LRP1B: variants seen among roughly 807,000 people sequenced by gnomAD.
The protein encoded by LRP1B is LDL receptor related protein 1B, also known as low-density lipoprotein receptor-related protein 1B.
Under a neutral mutation model 556.6 loss-of-function variants are expected in LRP1B, and 217 were observed. That is an observed-to-expected ratio of 0.39 (90% CI 0.35 to 0.44). The LOEUF is 0.44. Among genes scored for constraint, LRP1B ranks in the 20% least tolerant of loss-of-function variants. The probability of loss-of-function intolerance (pLI) is 1.00; values close to 1 mark genes in which losing one functional copy is unlikely to be tolerated. For missense variants in LRP1B, 5,053 were observed against 5,620.8 expected, an observed-to-expected ratio of 0.90 and a Z score of 3.23; for synonymous variants, 2,047 against 1,865.8, an observed-to-expected ratio of 1.10 and a Z score of -2.50.
chr2:142,071,616 T>A (rs1192506372), intron 1 of LRP1B, among the ~76,000 whole-genome samples: 1 of 152,066 alleles, frequency 6.6e-6, no homozygotes, highest in African/African-American at 2.4e-5. Context: ...TATCTGTGGC[T>A]GCTTTAGTGT....
intron 2 of LRP1B, among the ~76,000 whole-genome samples, chr2:141,491,033 G>A (rs561048402): frequency 2.6e-5 from 4 of 151,134 alleles, no homozygotes; most frequent in African/African-American, 9.7e-5. Context: ...CATTAAACAG[G>A]ATTCTTATGA....
At chr2:140,580,194 T>C (rs1284305618) in intron 43 of LRP1B, among the ~76,000 whole-genome samples, 1 of 152,202 alleles carries the variant, frequency 6.6e-6, no homozygotes, top group Non-Finnish European at 1.5e-5. Flanking sequence ...ATATAGAATA[T>C]GTAACTCAGC....
intron 41 of LRP1B, among the ~76,000 whole-genome samples, chr2:140,657,754 C>T (rs904379249): frequency 1.3e-5 from 2 of 151,264 alleles, no homozygotes; most frequent in Non-Finnish European, 2.9e-5. Flanking sequence ...TTAATGTACT[C>T]ATGATGTGTC....
chr2:140,714,543 A>G (rs1687144765), intron 37 of LRP1B, among the ~76,000 whole-genome samples: 1 of 152,186 alleles, frequency 6.6e-6, no homozygotes, highest in East Asian at 1.9e-4. Flanking sequence ...GTATGAATCT[A>G]TAATAGGGTA....
At chr2:142,049,135 C>CT (rs905792853) in intron 1 of LRP1B, among the ~76,000 whole-genome samples, 6 of 151,958 alleles carry the variant, frequency 3.9e-5, no homozygotes, top group African/African-American at 7.2e-5. Flanking sequence ...AAAAAGGCCC[C>CT]TTTTTTTCTA....
intron 7 of LRP1B, among the ~76,000 whole-genome samples, chr2:141,073,130 T>C (rs1699691052): frequency 6.6e-6 from 1 of 152,168 alleles, no homozygotes; most frequent in Admixed American, 6.6e-5. Context: ...TTCTCCATGC[T>C]GCATTTACAT....
At chr2:141,370,539 C>T (rs1465711667) in intron 3 of LRP1B, among the ~76,000 whole-genome samples, 1 of 152,112 alleles carries the variant, frequency 6.6e-6, no homozygotes, top group Admixed American at 6.5e-5. Context: ...TTCGTAAATC[C>T]TGGATATGAG....
intron 41 of LRP1B, among the ~76,000 whole-genome samples, chr2:140,691,872 G>T (rs2105400668): frequency 6.6e-6 from 1 of 152,170 alleles, no homozygotes; most frequent in South Asian, 2.1e-4. Flanking sequence ...ATAGTAGAGA[G>T]AATATGACTT....
chr2:140,673,481 TAC>T (rs1323196303), intron 41 of LRP1B, among the ~76,000 whole-genome samples: 1 of 152,180 alleles, frequency 6.6e-6, no homozygotes, highest in African/African-American at 2.4e-5. Context: ...TCTGAGTTAA[TAC>T]AGTTTTTTCC....
At chr2:141,204,936 CAGATAAAAAAAAA>C (rs1682206466) in intron 6 of LRP1B, among the ~76,000 whole-genome samples, 1 of 148,668 alleles carries the variant, frequency 6.7e-6, no homozygotes, top group Non-Finnish European at 1.5e-5. Context: ...GACTCTGTCT[CAGATAAAAAAAAA>C]GGAAAAAGAA....
chr2:141,110,736 T>A (rs1700730650), intron 7 of LRP1B, among the ~76,000 whole-genome samples: 1 of 152,108 alleles, frequency 6.6e-6, no homozygotes, highest in South Asian at 2.1e-4. Flanking sequence ...CACTTTTGAT[T>A]TCCTTTCTGG....
chr2:141,647,216 A>G (rs1238944824), intron 2 of LRP1B, among the ~76,000 whole-genome samples: 1 of 152,196 alleles, frequency 6.6e-6, no homozygotes, highest in Non-Finnish European at 1.5e-5. Context: ...CTTTGCAGCT[A>G]GATTGGAACC....
chr2:141,007,248 GA>G (rs1305974003), intron 14 of LRP1B, among the ~76,000 whole-genome samples: 1 of 151,566 alleles, frequency 6.6e-6, no homozygotes, highest in Non-Finnish European at 1.5e-5. Flanking sequence ...TAAGAAGTAA[GA>G]AAAAAACTCT....
rs529169289 is a variant in LRP1B, at chr2:141,001,589, G to C, written c.2503+3746C>G. On this transcript the variant is annotated intron_variant, in intron 15 of 90. Coordinates refer to ENST00000389484, the MANE Select transcript of LRP1B (RefSeq NM_018557.3). ...GTGGTGCTTGGTTTTCTGTCCTTGC[G>C]ATAGTTAAAGCCTGTCCATCTTTAG... Among the ~76,000 whole-genome samples the C allele has an allele frequency of 3.9e-5, 6 of 152,090 alleles. No homozygotes were observed. In the South Asian group the frequency reaches 1.0e-3, roughly 26 times the overall value.
At chr2:141,563,889 G>A (rs1267228682) in intron 2 of LRP1B, among the ~76,000 whole-genome samples, 1 of 151,970 alleles carries the variant, frequency 6.6e-6, no homozygotes, top group Non-Finnish European at 1.5e-5. Flanking sequence ...GAGGGAGGGA[G>A]ACGGGGAAAG....
intron 8 of LRP1B, among the ~76,000 whole-genome samples, chr2:141,061,268 G>A (rs1400509594): frequency 6.6e-6 from 1 of 151,728 alleles, no homozygotes; most frequent in Non-Finnish European, 1.5e-5. Flanking sequence ...TGATTAGAAA[G>A]TAAAAGTAAC....
At chr2:141,806,405 G>A (rs1696169627) in intron 2 of LRP1B, among the ~76,000 whole-genome samples, 1 of 151,904 alleles carries the variant, frequency 6.6e-6, no homozygotes, top group Non-Finnish European at 1.5e-5. Flanking sequence ...TCTTTATTTA[G>A]ACACTTGAAA....
chr2:140,371,727 G>A (rs1045780079), intron 69 of LRP1B, among the ~76,000 whole-genome samples: 2 of 151,684 alleles, frequency 1.3e-5, no homozygotes, highest in African/African-American at 4.8e-5. Context: ...TACATTCACT[G>A]TATAAAGCAC....
At chr2:141,996,143 G>A (rs1346172373) in intron 1 of LRP1B, among the ~76,000 whole-genome samples, 1 of 151,094 alleles carries the variant, frequency 6.6e-6, no homozygotes, top group Admixed American at 6.6e-5. Flanking sequence ...TCCCGAACCC[G>A]GGAGGCAGAT....
Sources: allele counts gnomAD v4.1 joint callset (sites outside exome capture counted in the v4.1 genomes callset), GRCh38; gene constraint gnomAD v4.1.1; transcripts MANE v1.5; gene names NCBI Gene and HGNC (gene_info 2026-07-23, HGNC 2026-07-21).